CASP2: variants seen among roughly 807,000 people sequenced by gnomAD.
The protein encoded by CASP2 is caspase-2.
Under a neutral mutation model 54.4 loss-of-function variants are expected in CASP2, and 38 were observed. The ratio of observed to expected loss-of-function variants is 0.70; its 90% confidence interval spans 0.54 to 0.92. The LOEUF (loss-of-function observed/expected upper bound fraction) is 0.92. Among genes scored for constraint, CASP2 ranks in the 40% least tolerant of loss-of-function variants. The pLI is 0.00. For synonymous variants in CASP2, 215 were observed against 216.3 expected (o/e 0.99, Z 0.05); for missense variants, 512 against 579.6 (o/e 0.88, Z 1.20).
At chr7:143,293,032 T>C in intron 4 of CASP2, 1 of 593,518 alleles carries the variant, frequency 1.7e-6, no homozygotes, top group Non-Finnish European at 3.0e-6. Flanking sequence ...TAAAATAAAA[T>C]AAAAAGGAGG....
At position 143,288,525 on chromosome 7, in the gene CASP2, C is replaced by T. The variant is rs1296864133; in HGVS notation, c.70C>T (p.Arg24Cys). 1 of 1,612,948 alleles carries T rather than the reference C, an allele frequency of 6.2e-7. No homozygotes were observed. The highest frequency in any genetic ancestry group is 1.1e-5 in the South Asian group (1 of 91,038). ...GGAGCTGATGGCCGCTGACAGGGGACGCAGGTAAGTAGGGAACGGTCTTAG... is the reference window on the plus strand; with the variant it reads ...GGAGCTGATGGCCGCTGACAGGGGATGCAGGTAAGTAGGGAACGGTCTTAG... ...HKELMAADRGRRILGVCGMHP... is the reference protein window; with the variant it reads ...HKELMAADRGCRILGVCGMHP... Residue 24 changes from arginine to cysteine, a missense_variant, in exon 1 of 11, where the codon CGC becomes TGC. This residue lies in a region of CASP2 where 89 missense variants were observed against 67.1 expected (regional missense o/e 1.33). Coordinates refer to ENST00000310447, the MANE Select transcript of CASP2 (RefSeq NM_032982.4).
intron 2 of CASP2, 109 bp downstream of exon 2, chr7:143,291,799 T>TC: frequency 1.0e-6 from 1 of 965,066 alleles, no homozygotes; most frequent in East Asian, 2.5e-5. Flanking sequence ...TTTTTTTTTT[T>TC]TGAGACAGAG....
chr7:143,294,232 A>AT lies in CASP2; in HGVS notation c.478_479insT (p.Thr160IlefsTer9). 6.3e-7 allele frequency: 1 copy of AT among 1,583,084 alleles called. No individual in the cohort carries two copies. The highest frequency in any genetic ancestry group is 8.7e-7 in the Non-Finnish European group (1 of 1,151,906). ...TTGGTTTTCTGTCTATACCACAGAT[A>AT]CTGTGGAACACTCCCTAGACAATAA... On this transcript the variant is annotated frameshift_variant, in exon 5 of 11. Transcript: ENST00000310447. LOFTEE classifies it high-confidence loss of function.
At position 143,299,938 on chromosome 7, in the gene CASP2, C is replaced by G; in HGVS notation, c.763C>G (p.Leu255Val). 6.2e-7 allele frequency: 1 copy of G among 1,614,184 alleles called. No individual in the cohort carries two copies. Among genetic ancestry groups the G allele is most frequent in the Non-Finnish European group, 8.5e-7 (1 of 1,180,018 alleles). Residue 255 changes from leucine to valine, a missense_variant, in exon 7 of 11, where the codon CTG becomes GTG. Leu to Val is a conservative substitution (Grantham distance 32, BLOSUM62 1). Transcript: ENST00000310447. Reference sequence around the variant, plus strand: ...TTTCTTTTAGGAAATGCAAGAGAAACTGCAGAATTTTGCACAGTTACCTGC... The same window carrying G: ...TTTCTTTTAGGAAATGCAAGAGAAAGTGCAGAATTTTGCACAGTTACCTGC... ...DQTAQEMQEK[L>V]QNFAQLPAHR...
intron 6 of CASP2, among the ~76,000 whole-genome samples, chr7:143,295,175 A>G (rs565492899): frequency 4.6e-5 from 7 of 152,120 alleles, no homozygotes; most frequent in Non-Finnish European, 8.8e-5. Context: ...CTGCAGGCGC[A>G]TGCAACCATA....
At position 143,292,619 on chromosome 7, in the gene CASP2, G is replaced by A. The variant is rs1188685481; in HGVS notation, c.396G>A (p.Leu132=). ...TCATGAGTTTTGATTTCTTACAGTT[G>A]AGCTGTGACTACGACTTGAGTCTCC... ...LSGLQHVLPP[L]SCDYDLSLPF... is the part of the protein sequence containing the mutation. Residue 132 remains leucine (L), a splice_region_variant and synonymous_variant, in exon 4 of 11, where the codon TTG becomes TTA. Transcript: ENST00000310447. The A allele has an allele frequency of 6.8e-6, 11 of 1,613,744 alleles. No individual in the cohort carries two copies. The highest frequency in any genetic ancestry group is 1.7e-5 in the Admixed American group (1 of 60,000).
chr7:143,300,021 C>T lies in CASP2; in HGVS notation c.846C>T (p.Ala282=). The change falls in exon 7 of 11, where the codon GCC becomes GCT. Residue 282 remains alanine, a synonymous_variant. Coordinates refer to ENST00000310447, the MANE Select transcript of CASP2 (RefSeq NM_032982.4). ...VALLSHGVEG[A]IYGVDGKLLQ... ...TCCTCTCGCATGGTGTGGAGGGCGC[C>T]ATCTATGGTGTGGATGGGAAACTGC... 1 of 1,614,106 alleles carries T rather than the reference C, an allele frequency of 6.2e-7. No individual in the cohort carries two copies. Among genetic ancestry groups the T allele is most frequent in the Non-Finnish European group, 8.5e-7 (1 of 1,180,020 alleles).
Position 143,294,508 on chromosome 7 carries a change from G to A in CASP2, c.571-89G>A, listed in dbSNP as rs147986091. 210 of 1,316,776 alleles carry A rather than the reference G, an allele frequency of 1.6e-4. 1 individual carries two copies. In the East Asian group the frequency reaches 3.5e-3, roughly 22 times the overall value. 81.6% of individuals were successfully genotyped at this position (1,316,776 alleles called of 1,614,324 possible). A position where few individuals can be genotyped will look rare whatever the true frequency, so the allele number is the denominator to read the frequency against. ...TGCTGGAGGTTAAGAAGAAAAATACGATGTCTTTGTTTTCTTGAAATGTCT... is the reference window on the plus strand; with the variant it reads ...TGCTGGAGGTTAAGAAGAAAAATACAATGTCTTTGTTTTCTTGAAATGTCT... On this transcript the variant is annotated intron_variant, in intron 5 of 10. Transcript: ENST00000310447.
chr7:143,298,176 G>T (rs954083206), intron 6 of CASP2, among the ~76,000 whole-genome samples: 1 of 152,126 alleles, frequency 6.6e-6, no homozygotes, highest in African/African-American at 2.4e-5. Flanking sequence ...TGCTTTAGGG[G>T]CCACTCTGAG....
At chr7:143,290,782 G>A (rs1315787422) in intron 1 of CASP2, 1 of 152,532 alleles carries the variant, frequency 6.6e-6, no homozygotes, top group Admixed American at 6.5e-5. Context: ...CCACCAGGTT[G>A]CCTAAGGAAG....
Position 143,306,554 on chromosome 7 carries a change from G to A in CASP2, c.*1483G>A, listed in dbSNP as rs1181664844. 6.7e-6 allele frequency: 1 copy of A among 149,112 alleles called. No homozygotes were observed. The highest frequency in any genetic ancestry group is 1.5e-5 in the Non-Finnish European group (1 of 67,508). The allele number at this position is 149,112 out of a possible 1,614,324, so 9.2% of individuals were successfully genotyped here. ...TTACAGGCGTGAGCCACTGCGCCCG[G>A]GCAAGACCTTTTTTTAAAAAAAAAA... On this transcript the variant is annotated 3_prime_UTR_variant, in exon 11 of 11. Transcript: ENST00000310447.
intron 4 of CASP2, among the ~76,000 whole-genome samples, chr7:143,293,870 C>T (rs1801663799): frequency 6.6e-6 from 1 of 152,134 alleles, no homozygotes; most frequent in African/African-American, 2.4e-5. Context: ...CTTTGAGTAG[C>T]ATGTATGGGC....
At chr7:143,303,973 T>C (rs752320321) in intron 9 of CASP2, 40 bp downstream of exon 9, 3 of 1,542,240 alleles carry the variant, frequency 1.9e-6, no homozygotes, top group Non-Finnish European at 8.8e-7. Context: ...TACCTCATTT[T>C]GTTGCACTTT....
chr7:143,288,863 A>G (rs1801468528), intron 1 of CASP2, among the ~76,000 whole-genome samples: 1 of 152,178 alleles, frequency 6.6e-6, no homozygotes, highest in Admixed American at 6.5e-5. Flanking sequence ...TGGCTCCCTT[A>G]TGAGGGAAAC....
chr7:143,290,048 T>TC (rs1260285664), intron 1 of CASP2, among the ~76,000 whole-genome samples: 1 of 148,918 alleles, frequency 6.7e-6, no homozygotes, highest in Non-Finnish European at 1.5e-5. Context: ...ACACATTTTT[T>TC]CCCTCCCTTT....
chr7:143,303,566 G>C (rs900891815), intron 8 of CASP2: 14 of 487,712 alleles, frequency 2.9e-5, no homozygotes, highest in African/African-American at 2.5e-4. Context: ...TGAGCGTGGT[G>C]CCCGGTGTGT....
chr7:143,303,938 T>G lies in CASP2; in HGVS notation c.1117+5T>G. 1.3e-6 allele frequency: 2 copies of G among 1,581,380 alleles called. No homozygotes were observed. The highest frequency in any genetic ancestry group is 1.7e-6 in the Non-Finnish European group (2 of 1,162,990). On this transcript the variant is annotated splice_donor_5th_base_variant and intron_variant, in intron 9 of 10. Transcript: ENST00000310447. Reference sequence around the variant, plus strand: ...GCGGCTATGCCTGCCTCAAAGGTACTTTGAGTTCCAAAAGAGTTGAGTCAT... The same window carrying G: ...GCGGCTATGCCTGCCTCAAAGGTACGTTGAGTTCCAAAAGAGTTGAGTCAT...
rs981138325 is a variant in CASP2 at position 143,305,044 on chromosome 7, C to T, written c.1332C>T (p.Tyr444=). Residue 444 remains tyrosine (Y), a synonymous_variant, in exon 11 of 11, where the codon TAC becomes TAT. Coordinates refer to ENST00000310447, the MANE Select transcript of CASP2 (RefSeq NM_032982.4). ...EYCSTLCRHL[Y]LFPGHPPT ...GCAGCACTCTGTGCCGCCACCTCTA[C>T]CTGTTCCCAGGACACCCTCCCACAT... 2 of 1,614,114 alleles carry T rather than the reference C, an allele frequency of 1.2e-6. No homozygotes were observed. The highest frequency in any genetic ancestry group is 2.7e-5 in the African/African-American group (2 of 74,936).
intron 10 of CASP2, 43 bp downstream of exon 10, chr7:143,304,826 C>G (rs193140652): frequency 1.7e-4 from 266 of 1,601,448 alleles, no homozygotes; most frequent in Middle Eastern, 9.9e-4. Context: ...CTCCACAGTG[C>G]TCTACTTTCC....
Sources: allele counts gnomAD v4.1 joint callset (sites outside exome capture counted in the v4.1 genomes callset), GRCh38; gene constraint gnomAD v4.1.1; regional missense constraint gnomAD v4.1.1; transcripts MANE v1.5; gene names NCBI Gene and HGNC (gene_info 2026-07-23, HGNC 2026-07-21).